Variants in MAGI1 observed in about 807,000 individuals in gnomAD.
MAGI1 encodes the protein membrane associated guanylate kinase, WW and PDZ domain containing 1.
A neutral mutation model predicts 139.9 loss-of-function variants in MAGI1; 58 were observed. That is an observed-to-expected ratio of 0.41 (90% CI 0.34 to 0.52). The LOEUF is 0.52. Ranked by LOEUF, MAGI1 falls within the 20% of genes least tolerant of loss-of-function variation. The pLI is 0.12. For synonymous variants in MAGI1, 812 were observed against 737.9 expected (o/e 1.10, Z -1.63); for missense variants, 1,874 against 1,901.6 (o/e 0.99, Z 0.27).
At chr3:65,838,231 G>A (rs2058692568) in intron 1 of MAGI1, among the ~76,000 whole-genome samples, 1 of 152,140 alleles carries the variant, frequency 6.6e-6, no homozygotes. Flanking sequence ...AGAATCACTT[G>A]CACCAAGGAG....
intron 12 of MAGI1, among the ~76,000 whole-genome samples, chr3:65,428,650 A>T (rs1947245690): frequency 6.6e-6 from 1 of 152,242 alleles, no homozygotes; most frequent in African/African-American, 2.4e-5. Context: ...AATGCTGGGG[A>T]TAACAGCTGT....
chr3:65,588,562 G>C (rs559999991), intron 2 of MAGI1, among the ~76,000 whole-genome samples: 4 of 152,276 alleles, frequency 2.6e-5, no homozygotes, highest in Admixed American at 2.6e-4. Flanking sequence ...GAGATGGGCA[G>C]TTCAAATTCT....
intron 1 of MAGI1, among the ~76,000 whole-genome samples, chr3:65,845,022 G>A (rs2058937581): frequency 6.6e-6 from 1 of 152,096 alleles, no homozygotes. Flanking sequence ...GGAGGCCGAG[G>A]TGGGAGCATC....
At chr3:65,633,004 G>C (rs1393739989) in intron 1 of MAGI1, among the ~76,000 whole-genome samples, 1 of 152,106 alleles carries the variant, frequency 6.6e-6, no homozygotes, top group African/African-American at 2.4e-5. Context: ...AAAAATGACT[G>C]GTCTCTACCC....
intron 14 of MAGI1, among the ~76,000 whole-genome samples, chr3:65,389,393 C>T (rs970711679): frequency 6.6e-6 from 1 of 152,112 alleles, no homozygotes; most frequent in African/African-American, 2.4e-5. Context: ...CTTCAGAATG[C>T]AATTCATTTT....
At chr3:65,908,488 C>A (rs1400128634) in intron 1 of MAGI1, among the ~76,000 whole-genome samples, 2 of 152,088 alleles carry the variant, frequency 1.3e-5, no homozygotes, top group African/African-American at 4.8e-5. Context: ...GTTTCACCAT[C>A]TTGGCCAGGC....
chr3:65,732,233 C>CTCTG (rs574826398), intron 1 of MAGI1, among the ~76,000 whole-genome samples: 340 of 152,316 alleles, frequency 2.2e-3, no homozygotes, highest in Non-Finnish European at 4.0e-3. Flanking sequence ...AGTCCAGGTG[C>CTCTG]TCTGCACTTA....
intron 1 of MAGI1, among the ~76,000 whole-genome samples, chr3:65,749,094 C>T (rs556583324): frequency 1.3e-5 from 2 of 152,224 alleles, no homozygotes; most frequent in African/African-American, 2.4e-5. Flanking sequence ...CACAGCACAG[C>T]CATCCAATTC....
At chr3:65,583,788 A>G (rs1332501976) in intron 2 of MAGI1, among the ~76,000 whole-genome samples, 1 of 152,182 alleles carries the variant, frequency 6.6e-6, no homozygotes, top group African/African-American at 2.4e-5. Flanking sequence ...ATGAAGAAGA[A>G]CTAAAGAACA....
intron 1 of MAGI1, among the ~76,000 whole-genome samples, chr3:65,999,736 C>T (rs1010302553): frequency 1.8e-4 from 28 of 151,930 alleles, no homozygotes; most frequent in Non-Finnish European, 2.6e-4. Flanking sequence ...AATCGTTTTG[C>T]CATTAAGAAC....
At chr3:65,901,529 T>C (rs923117275) in intron 1 of MAGI1, among the ~76,000 whole-genome samples, 1 of 152,246 alleles carries the variant, frequency 6.6e-6, no homozygotes, top group Admixed American at 6.5e-5. Flanking sequence ...GATGAAGTTA[T>C]GTGATTTCAA....
At chr3:65,498,143 A>G (rs1051013818) in intron 2 of MAGI1, among the ~76,000 whole-genome samples, 1 of 152,174 alleles carries the variant, frequency 6.6e-6, no homozygotes, top group African/African-American at 2.4e-5. Context: ...TGGCATTTCA[A>G]AGGGTTTTCA....
chr3:65,798,387 TC>T (rs1183706952), intron 1 of MAGI1, among the ~76,000 whole-genome samples: 1 of 152,138 alleles, frequency 6.6e-6, no homozygotes, highest in Non-Finnish European at 1.5e-5. Context: ...TCCATGCCTT[TC>T]TTCCTCCCGG....
intron 1 of MAGI1, among the ~76,000 whole-genome samples, chr3:65,724,736 T>C (rs1413011833): frequency 6.6e-6 from 1 of 152,084 alleles, no homozygotes; most frequent in Non-Finnish European, 1.5e-5. Context: ...AACTTACAAT[T>C]ATGGCGGAAG....
intron 1 of MAGI1, among the ~76,000 whole-genome samples, chr3:65,636,849 T>C (rs145531245): frequency 3.9e-5 from 6 of 152,276 alleles, no homozygotes; most frequent in Admixed American, 3.9e-4. Context: ...TGCCATCAAA[T>C]AGGAAAGACC....
chr3:66,030,570 G>A (rs1469576195), intron 1 of MAGI1, among the ~76,000 whole-genome samples: 1 of 152,192 alleles, frequency 6.6e-6, no homozygotes, highest in Admixed American at 6.5e-5. Flanking sequence ...GGAATGACAC[G>A]TGGCAGTGGA....
intron 1 of MAGI1, among the ~76,000 whole-genome samples, chr3:66,036,140 T>A (rs1055321934): frequency 2.6e-5 from 4 of 152,200 alleles, no homozygotes; most frequent in Non-Finnish European, 4.4e-5. Context: ...CCCTATCAAG[T>A]CATAATTATC....
intron 1 of MAGI1, among the ~76,000 whole-genome samples, chr3:65,856,281 T>C (rs138192699): frequency 6.6e-6 from 1 of 150,912 alleles, no homozygotes; most frequent in East Asian, 1.9e-4. Context: ...TCCAGAAGAG[T>C]AGAATGCAGG....
At chr3:65,837,846 G>A (rs2058678084) in intron 1 of MAGI1, among the ~76,000 whole-genome samples, 2 of 152,010 alleles carry the variant, frequency 1.3e-5, no homozygotes, top group Admixed American at 1.3e-4. Flanking sequence ...GTCTTTAAAG[G>A]TCTAATACAG....
Sources: allele counts gnomAD v4.1 joint callset (sites outside exome capture counted in the v4.1 genomes callset), GRCh38; gene constraint gnomAD v4.1.1; transcripts MANE v1.5; gene names NCBI Gene and HGNC (gene_info 2026-07-23, HGNC 2026-07-21).